The following JCAD variants were observed in gnomAD, a reference collection of about 807,000 sequenced individuals.
The protein encoded by JCAD is junctional cadherin 5 associated.
Under a neutral mutation model 98.0 loss-of-function variants are expected in JCAD, and 40 were observed. That is an observed-to-expected ratio of 0.41 (90% confidence interval 0.32 to 0.53). JCAD has a LOEUF of 0.53. JCAD is among the 20% of genes least tolerant of loss of function. JCAD has a pLI of 0.31. For missense variants in JCAD, 1,705 were observed against 1,738.1 expected (o/e 0.98, Z 0.34); for synonymous variants, 691 against 682.3 (o/e 1.01, Z -0.20).
intron 1 of JCAD, among the ~76,000 whole-genome samples, chr10:30,072,205 G>A (rs1013850314): frequency 1.3e-5 from 2 of 151,864 alleles, no homozygotes; most frequent in African/African-American, 4.8e-5. Context: ...ATAAATTAGA[G>A]GCATGTAAAT....
At chr10:30,100,472 C>T (rs1462612480) in intron 1 of JCAD, among the ~76,000 whole-genome samples, 1 of 152,112 alleles carries the variant, frequency 6.6e-6, no homozygotes, top group South Asian at 2.1e-4. Flanking sequence ...ACCTCCGCCT[C>T]CTGGGTTCAA....
At chr10:30,037,970 C>T (rs535397567) in intron 2 of JCAD, among the ~76,000 whole-genome samples, 322 of 149,652 alleles carry the variant, frequency 2.2e-3, no homozygotes, top group African/African-American at 7.6e-3. Flanking sequence ...GAAGCCATTG[C>T]CACTACAGTG....
chr10:30,078,786 G>T (rs1323635987), intron 1 of JCAD, among the ~76,000 whole-genome samples: 7 of 152,204 alleles, frequency 4.6e-5, no homozygotes, highest in African/African-American at 9.7e-5. Context: ...ACAGTTACGA[G>T]GATGGTGACC....
rs1337894735 is a variant in JCAD at position 30,013,247 on chromosome 10, C to G, written c.*4636G>C. On this transcript the variant is annotated 3_prime_UTR_variant, in exon 4 of 4. Coordinates refer to ENST00000375377, the MANE Select transcript of JCAD (RefSeq NM_020848.4). Reference sequence around the variant, plus strand: ...AGTGCTTGAGCCCAGGAGCTTGAGGCTGCAGTGAGCCGTGACTGCACCACT... The same window carrying G: ...AGTGCTTGAGCCCAGGAGCTTGAGGGTGCAGTGAGCCGTGACTGCACCACT... 1 of 152,228 alleles carries G rather than the reference C, an allele frequency of 6.6e-6. No homozygotes were observed. The highest frequency in any genetic ancestry group is 1.5e-5 in the Non-Finnish European group (1 of 68,118). The allele number at this position is 152,228 out of a possible 1,614,324, so 9.4% of individuals were successfully genotyped here.
chr10:30,030,422 C>T (rs1482320573), intron 2 of JCAD, among the ~76,000 whole-genome samples: 3 of 152,030 alleles, frequency 2.0e-5, no homozygotes, highest in Admixed American at 6.5e-5. Flanking sequence ...GCCCGGGCAG[C>T]GGTGAGACCC....
intron 1 of JCAD, among the ~76,000 whole-genome samples, chr10:30,083,691 G>A (rs563779866): frequency 2.0e-5 from 3 of 152,266 alleles, no homozygotes; most frequent in Middle Eastern, 3.4e-3. Context: ...CAGCACTAGC[G>A]TAAGTCAGGC....
Position 30,029,268 on chromosome 10 carries a change from T to C in JCAD, c.880A>G (p.Lys294Glu). The change falls in exon 3 of 4, where the codon AAG (lysine) becomes GAG (glutamate). Residue 294 changes from lysine to glutamate, a missense_variant. Transcript: ENST00000375377. ...TGGTGCGAGCTGTAAGATGGGGGCT[T>C]GAGGGGCCTCCCAAACTTAGGCCGG... is the stretch of plus-strand genomic sequence containing the variant. ...FPRPKFGRPLKPPSYSSHQQS... is the reference protein window; with the variant it reads ...FPRPKFGRPLEPPSYSSHQQS... The C allele has an allele frequency of 6.2e-7, 1 of 1,614,088 alleles. No homozygotes were observed. Among genetic ancestry groups the C allele is most frequent in the Non-Finnish European group, 8.5e-7 (1 of 1,180,008 alleles).
Position 30,027,768 on chromosome 10 carries a change from G to A in JCAD, c.2380C>T (p.His794Tyr), listed in dbSNP as rs751195251. The A allele has an allele frequency of 7.4e-6, 12 of 1,614,112 alleles. No individual in the cohort carries two copies. Among genetic ancestry groups the A allele is most frequent in the Non-Finnish European group, 1.0e-5 (12 of 1,180,048 alleles). ...ACCACCTCCCGCTTAGGCCCAGGGTGGGCTCCAAGCCCGTGGACATCCACG... is the reference window on the plus strand; with the variant it reads ...ACCACCTCCCGCTTAGGCCCAGGGTAGGCTCCAAGCCCGTGGACATCCACG... ...PCVDVHGLGA[H>Y]PGPKREVVKG... is the part of the protein sequence containing the mutation. The change falls in exon 3 of 4, where the codon CAC (histidine) becomes TAC (tyrosine). Residue 794 changes from histidine to tyrosine, a missense_variant. This residue lies in a region of JCAD where 1,278 missense variants were observed against 1,243.1 expected (regional missense o/e 1.03). Coordinates refer to ENST00000375377, the MANE Select transcript of JCAD (RefSeq NM_020848.4).
At chr10:30,050,105 A>G (rs1241230631) in intron 1 of JCAD, among the ~76,000 whole-genome samples, 4 of 152,070 alleles carry the variant, frequency 2.6e-5, no homozygotes, top group African/African-American at 9.7e-5. Context: ...ACTTGGGGCC[A>G]GGAGTTTGAG....
intron 1 of JCAD, among the ~76,000 whole-genome samples, chr10:30,091,819 T>C (rs1039075164): frequency 1.4e-5 from 2 of 142,042 alleles, no homozygotes; most frequent in African/African-American, 5.3e-5. Context: ...ATGTCAGGAG[T>C]TCAAGAGCAG....
chr10:30,067,920 G>A (rs1331823791), intron 2 of JCAD, among the ~76,000 whole-genome samples: 2 of 152,184 alleles, frequency 1.3e-5, no homozygotes, highest in Non-Finnish European at 2.9e-5. Context: ...CATGCAGCAA[G>A]TGACTCTACT....
chr10:30,040,348 C>T (rs766297355), intron 2 of JCAD, among the ~76,000 whole-genome samples: 5 of 152,164 alleles, frequency 3.3e-5, no homozygotes, highest in African/African-American at 1.2e-4. Flanking sequence ...CTCTCTCATG[C>T]GTATCTAATA....
intron 2 of JCAD, among the ~76,000 whole-genome samples, chr10:30,066,867 T>C (rs561155169): frequency 6.6e-6 from 1 of 152,090 alleles, no homozygotes; most frequent in Non-Finnish European, 1.5e-5. Context: ...CTAAAAAATA[T>C]GTGCTTGTAG....
At chr10:30,086,259 G>A (rs1838165337) in intron 1 of JCAD, among the ~76,000 whole-genome samples, 1 of 152,024 alleles carries the variant, frequency 6.6e-6, no homozygotes, top group Non-Finnish European at 1.5e-5. Context: ...TTTGTGCATT[G>A]AACTTTTCCC....
chr10:30,068,718 C>T (rs928380629), intron 2 of JCAD, among the ~76,000 whole-genome samples: 2 of 152,230 alleles, frequency 1.3e-5, no homozygotes, highest in African/African-American at 4.8e-5. Context: ...CCAGAGCCTG[C>T]TCTCTCAACC....
At chr10:30,075,689 G>C (rs1837968645) in intron 1 of JCAD, among the ~76,000 whole-genome samples, 1 of 152,152 alleles carries the variant, frequency 6.6e-6, no homozygotes, top group African/African-American at 2.4e-5. Context: ...ACGCCAACCT[G>C]TCAGAATCCA....
intron 1 of JCAD, among the ~76,000 whole-genome samples, chr10:30,106,514 T>C (rs551446520): frequency 1.1e-3 from 170 of 152,234 alleles, no homozygotes; most frequent in African/African-American, 3.9e-3. Context: ...GAAGATTAGT[T>C]TGGATGAACG....
intron 1 of JCAD, among the ~76,000 whole-genome samples, chr10:30,051,262 ACACACGCACGCACACACGCACG>A (rs1386827708): frequency 1.4e-5 from 2 of 139,528 alleles, no homozygotes; most frequent in African/African-American, 5.5e-5. Flanking sequence ...CACCACACGC[ACACACGCACGCACACACGCACG>A]CACACACACA....
chr10:30,031,630 C>A (rs1165304807), intron 2 of JCAD, among the ~76,000 whole-genome samples: 2 of 150,788 alleles, frequency 1.3e-5, no homozygotes, highest in Non-Finnish European at 1.5e-5. Context: ...TTAGTAGAGA[C>A]GAGGTTTCAC....
Sources: gnomAD v4.1 joint callset for allele counts (sites outside exome capture counted in the v4.1 genomes callset) on GRCh38, gnomAD v4.1.1 for gene constraint, gnomAD v4.1.1 regional missense constraint, MANE v1.5 for transcripts, NCBI Gene and HGNC (gene_info 2026-07-23, HGNC 2026-07-21) for gene names.